The following GABPA variants were observed in gnomAD, a reference collection of about 807,000 sequenced individuals.
GABPA encodes GA binding protein transcription factor subunit alpha.
Under a neutral mutation model 59.4 loss-of-function variants are expected in GABPA, and 4 were observed. The observed-to-expected ratio is 0.07, with a 90% confidence interval of 0.03 to 0.15. GABPA has a LOEUF of 0.15. Among genes scored for constraint, GABPA ranks in the 10% least tolerant of loss-of-function variants. The probability of loss-of-function intolerance (pLI) is 1.00; values close to 1 mark genes in which losing one functional copy is unlikely to be tolerated. For synonymous variants in GABPA, 164 were observed against 183.1 expected (o/e 0.90, Z 0.84); for missense variants, 251 against 543.8 (o/e 0.46, Z 5.36).
At position 25,766,439 on chromosome 21, in the gene GABPA, C is replaced by T. The variant is rs146504658; in HGVS notation, c.1136+1652C>T. Among the ~76,000 whole-genome samples the T allele has an allele frequency of 1.7e-4, 26 of 152,020 alleles. No homozygotes were observed. The East Asian group carries it at 3.3e-3, about 19-fold the overall frequency. Reference sequence around the variant, plus strand: ...TATATTTAAATTAGGAATTTCTGTTCGTTGAAAGCCTTATTAAGAGAGCCA... The same window carrying T: ...TATATTTAAATTAGGAATTTCTGTTTGTTGAAAGCCTTATTAAGAGAGCCA... On this transcript the variant is annotated intron_variant, in intron 9 of 9. Transcript: ENST00000400075.
At chr21:25,757,056 AT>A (rs1468086682) in intron 5 of GABPA, among the ~76,000 whole-genome samples, 1 of 152,102 alleles carries the variant, frequency 6.6e-6, no homozygotes, top group East Asian at 1.9e-4. Context: ...TAAAATTCTT[AT>A]GTTTGATTTA....
intron 9 of GABPA, 117 bp downstream of exon 9, chr21:25,764,904 T>G: frequency 1.6e-6 from 1 of 642,832 alleles, no homozygotes; most frequent in Non-Finnish European, 2.2e-6. Flanking sequence ...TTGTTTATGT[T>G]TTTTTCTTTA....
At chr21:25,758,615 A>G (rs995655097) in intron 6 of GABPA, among the ~76,000 whole-genome samples, 3 of 152,158 alleles carry the variant, frequency 2.0e-5, no homozygotes, top group Non-Finnish European at 2.9e-5. Context: ...AACGGAAGAG[A>G]TCATTTGTTT....
At chr21:25,735,766 C>G (rs1345944359) in intron 1 of GABPA, 188 bp downstream of exon 1, 1 of 68,044 alleles carries the variant, frequency 1.5e-5, no homozygotes, top group African/African-American at 5.6e-5. Context: ...GGCGGGAGAG[C>G]TGTGCGGGGA....
intron 1 of GABPA, among the ~76,000 whole-genome samples, chr21:25,736,507 G>C (rs943009154): frequency 1.3e-5 from 2 of 152,140 alleles, no homozygotes; most frequent in African/African-American, 4.8e-5. Context: ...TTTATTTTTA[G>C]ACATACAGTG....
chr21:25,748,707 A>G (rs1011597054), intron 3 of GABPA, among the ~76,000 whole-genome samples: 15 of 152,232 alleles, frequency 9.9e-5, no homozygotes, highest in Non-Finnish European at 2.2e-4. Flanking sequence ...CATGACAGAT[A>G]TAGCATTACC....
chr21:25,772,298 A>G lies in GABPA; in HGVS notation c.*3066A>G, dbSNP rs2036023747. The stretch of plus-strand genomic sequence containing the variant: ...ACATTTTTACTCTTTAAATAACGAC[A>G]ACGACACTTATACTGTCATAATAAC... On this transcript the variant is annotated 3_prime_UTR_variant, in exon 10 of 10. Coordinates refer to ENST00000400075, the MANE Select transcript of GABPA (RefSeq NM_002040.4). The G allele has an allele frequency of 6.6e-6, 1 of 152,224 alleles. No individual in the cohort carries two copies. Among genetic ancestry groups the G allele is most frequent in the African/African-American group, 2.4e-5 (1 of 41,566 alleles). The allele number at this position is 152,224 out of a possible 1,614,324, so 9.4% of individuals were successfully genotyped here.
intron 1 of GABPA, among the ~76,000 whole-genome samples, chr21:25,739,625 A>G (rs932237322): frequency 2.0e-5 from 3 of 151,796 alleles, no homozygotes; most frequent in African/African-American, 7.3e-5. Context: ...ACTTTTATTT[A>G]TTTGTTTCAA....
intron 9 of GABPA, 31 bp downstream of exon 9, chr21:25,764,818 C>CA: frequency 1.2e-5 from 17 of 1,449,666 alleles, no homozygotes; most frequent in Non-Finnish European, 1.4e-5. Flanking sequence ...TTTCTGTTAT[C>CA]AAAAATAGAA....
intron 1 of GABPA, among the ~76,000 whole-genome samples, chr21:25,736,500 AT>A (rs1374599463): frequency 6.6e-6 from 1 of 152,110 alleles, no homozygotes; most frequent in Non-Finnish European, 1.5e-5. Flanking sequence ...AAGCTTCTTT[AT>A]TTTTAGACAT....
chr21:25,745,516 A>G lies in GABPA; in HGVS notation c.222+162A>G, dbSNP rs2035338827. Among the ~76,000 whole-genome samples the G allele has an allele frequency of 2.0e-5, 3 of 152,228 alleles. No homozygotes were observed. The South Asian group carries it at 6.2e-4, about 31-fold the overall frequency. The stretch of plus-strand genomic sequence containing the variant: ...TTAGAAATAAAAAGGTTTTTAAGCA[A>G]AGTTTTCTCCATTTAAAGTTATATT... On this transcript the variant is annotated intron_variant, in intron 3 of 9. Transcript: ENST00000400075.
intron 6 of GABPA, among the ~76,000 whole-genome samples, chr21:25,761,674 T>G (rs1362377679): frequency 6.6e-6 from 1 of 152,198 alleles, no homozygotes; most frequent in Non-Finnish European, 1.5e-5. Context: ...AGGTAAAGAA[T>G]AACATCTAAG....
rs1020229867 is a variant in GABPA, at chr21:25,770,633, T to C, written c.*1401T>C. On this transcript the variant is annotated 3_prime_UTR_variant, in exon 10 of 10. Transcript: ENST00000400075. ...TCTCCTTCATTGTTTTCTTTAAATC[T>C]GTCCTCTTAAAAAGCTTCTTAAGAG... 1 of 152,122 alleles carries C rather than the reference T, an allele frequency of 6.6e-6. No homozygotes were observed. Among genetic ancestry groups the C allele is most frequent in the Non-Finnish European group, 1.5e-5 (1 of 67,948 alleles). The allele number at this position is 152,122 out of a possible 1,614,324, so 9.4% of individuals were successfully genotyped here.
At position 25,764,305 on chromosome 21, in the gene GABPA, C is replaced by A; in HGVS notation, c.898C>A (p.Pro300Thr). Residue 300 changes from proline to threonine, a missense_variant, in exon 8 of 10, where the codon CCG becomes ACG. Physicochemically the swap from Pro to Thr is conservative, Grantham distance 38. Around this residue, in one of 4 missense-constraint regions of GABPA, gnomAD observed 207 missense variants for 366.7 expected, o/e 0.56. Transcript: ENST00000400075. ...SAKAAKVQRAPRISGEDRSSP... is the reference protein window; with the variant it reads ...SAKAAKVQRATRISGEDRSSP... ...GAAAGCAGCCAAAGTACAAAGAGCG[C>A]CGAGGATTTCAGGAGAAGATAGAAG... is the stretch of plus-strand genomic sequence containing the variant. 1 of 1,612,190 alleles carries A rather than the reference C, an allele frequency of 6.2e-7. No homozygotes were observed. Among genetic ancestry groups the A allele is most frequent in the Non-Finnish European group, 8.5e-7 (1 of 1,179,028 alleles).
intron 7 of GABPA, among the ~76,000 whole-genome samples, chr21:25,762,728 A>G (rs1053045434): frequency 3.3e-5 from 5 of 152,222 alleles, no homozygotes; most frequent in African/African-American, 1.2e-4. Flanking sequence ...CAATTGAAAT[A>G]TCAGTATAGG....
rs766506355 is a variant in GABPA, at chr21:25,752,191, G to A, written c.510G>A (p.Leu170=). The A allele has an allele frequency of 3.1e-6, 5 of 1,612,840 alleles. No individual in the cohort carries two copies. The highest frequency in any genetic ancestry group is 4.2e-6 in the Non-Finnish European group (5 of 1,179,378). The change falls in exon 5 of 10, where the codon CTG becomes CTA. Residue 170 remains leucine (L), a synonymous_variant. Coordinates refer to ENST00000400075, the MANE Select transcript of GABPA (RefSeq NM_002040.4). The stretch of plus-strand genomic sequence containing the variant: ...AAGTGACAAGATGGGCTGCTGCACT[G>A]GAAGGCTATAGGAAAGAACAAGAAC... ...SEQVTRWAAA[L]EGYRKEQERL... is the part of the protein sequence containing the mutation.
At chr21:25,757,180 C>T (rs2035657381) in intron 5 of GABPA, among the ~76,000 whole-genome samples, 1 of 151,992 alleles carries the variant, frequency 6.6e-6, no homozygotes, top group African/African-American at 2.4e-5. Flanking sequence ...AGATCATCTT[C>T]TTAAAGTGGG....
intron 5 of GABPA, among the ~76,000 whole-genome samples, chr21:25,755,464 A>C (rs1163099911): frequency 6.6e-6 from 1 of 151,526 alleles, no homozygotes; most frequent in East Asian, 1.9e-4. Context: ...GGGCAAAGAA[A>C]AGAGTTTCAA....
intron 5 of GABPA, 147 bp downstream of exon 5, chr21:25,752,381 A>C (rs1163898393): frequency 2.3e-6 from 2 of 879,092 alleles, no homozygotes; most frequent in Non-Finnish European, 3.4e-6. Flanking sequence ...ATTGTAACGC[A>C]CATTTAAGCT....
Sources: gnomAD v4.1 joint callset for allele counts (sites outside exome capture counted in the v4.1 genomes callset) on GRCh38, gnomAD v4.1.1 for gene constraint, gnomAD v4.1.1 regional missense constraint, MANE v1.5 for transcripts, NCBI Gene and HGNC (gene_info 2026-07-23, HGNC 2026-07-21) for gene names.